The following GRXCR2 variants were observed in gnomAD, a reference collection of about 807,000 sequenced individuals.
GRXCR2 encodes glutaredoxin and cysteine rich domain containing 2.
GRXCR2 carries 23 observed loss-of-function variants against 24.8 expected under a neutral mutation model. The ratio of observed to expected loss-of-function variants is 0.93; its 90% CI spans 0.67 to 1.32. The LOEUF (loss-of-function observed/expected upper bound fraction) is 1.32. Ranked by LOEUF, GRXCR2 falls within the 40% of genes most tolerant of loss-of-function variation. GRXCR2 has a pLI of 0.00. For missense variants in GRXCR2, 315 were observed against 303.4 expected, an observed-to-expected ratio of 1.04 and a Z score of -0.28; for synonymous variants, 130 against 116.1, an observed-to-expected ratio of 1.12 and a Z score of -0.77.
intron 2 of GRXCR2, among the ~76,000 whole-genome samples, chr5:145,926,615 G>A (rs1035830286): frequency 6.6e-6 from 1 of 152,184 alleles, no homozygotes; most frequent in East Asian, 1.9e-4. Context: ...GTACCATGCT[G>A]TTTTGGTTAC....
intron 2 of GRXCR2, among the ~76,000 whole-genome samples, chr5:145,924,849 C>A (rs1757369176): frequency 6.6e-6 from 1 of 152,084 alleles, no homozygotes; most frequent in African/African-American, 2.4e-5. Flanking sequence ...CAGGGTGTAG[C>A]AATGCCCAGA....
chr5:145,906,234 G>A (rs915741205), intron 2 of GRXCR2, among the ~76,000 whole-genome samples: 3 of 151,970 alleles, frequency 2.0e-5, no homozygotes, highest in Non-Finnish European at 4.4e-5. Context: ...CAGATGATTC[G>A]ACTGGCCAAG....
At chr5:145,871,764 A>G (rs967711179) in intron 1 of GRXCR2, among the ~76,000 whole-genome samples, 4 of 152,226 alleles carry the variant, frequency 2.6e-5, no homozygotes, top group African/African-American at 9.6e-5. Context: ...ATAATTCAAG[A>G]GTAATTATCT....
chr5:145,915,617 T>C (rs771241065), intron 2 of GRXCR2, among the ~76,000 whole-genome samples: 8 of 151,824 alleles, frequency 5.3e-5, no homozygotes, highest in Non-Finnish European at 1.2e-4. Context: ...AAACCCCGAC[T>C]CTACTAAAAA....
intron 2 of GRXCR2, among the ~76,000 whole-genome samples, chr5:145,895,852 G>A (rs970626808): frequency 6.6e-6 from 1 of 152,154 alleles, no homozygotes; most frequent in African/African-American, 2.4e-5. Context: ...GAACAAAGCT[G>A]GAGGCATCAC....
At chr5:145,909,216 C>T (rs749351458) in intron 2 of GRXCR2, among the ~76,000 whole-genome samples, 9 of 152,146 alleles carry the variant, frequency 5.9e-5, no homozygotes, top group Non-Finnish European at 1.0e-4. Context: ...GGCTATGAGG[C>T]GCGCAGTCAT....
At chr5:145,878,504 G>A (rs1410704764) in intron 2 of GRXCR2, among the ~76,000 whole-genome samples, 11 of 152,066 alleles carry the variant, frequency 7.2e-5, no homozygotes, top group Admixed American at 6.6e-4. Flanking sequence ...AGAAAAAAGA[G>A]TAGAAAGAAA....
intron 2 of GRXCR2, among the ~76,000 whole-genome samples, chr5:145,895,620 T>C (rs920882475): frequency 6.6e-6 from 1 of 151,952 alleles, no homozygotes; most frequent in Admixed American, 6.6e-5. Context: ...CACTGCTCAA[T>C]GAAATAAAAG....
intron 2 of GRXCR2, among the ~76,000 whole-genome samples, chr5:145,928,981 T>C (rs1295285264): frequency 6.6e-6 from 1 of 151,806 alleles, no homozygotes; most frequent in Non-Finnish European, 1.5e-5. Context: ...TTTTTAAAAA[T>C]AAAAATCAAC....
chr5:145,873,902 C>G (rs1372521465), upstream of GRXCR2, among the ~76,000 whole-genome samples: 1 of 152,224 alleles, frequency 6.6e-6, no homozygotes, highest in African/African-American at 2.4e-5. Flanking sequence ...CAATCCCATA[C>G]AGACCTCACA....
chr5:145,903,718 G>A (rs1185258706), intron 2 of GRXCR2, among the ~76,000 whole-genome samples: 1 of 152,172 alleles, frequency 6.6e-6, no homozygotes, highest in Non-Finnish European at 1.5e-5. Context: ...TGGGAAGGAA[G>A]AGAACGATGG....
intron 2 of GRXCR2, among the ~76,000 whole-genome samples, chr5:145,893,101 C>G (rs1366164287): frequency 6.6e-6 from 1 of 152,276 alleles, no homozygotes; most frequent in Non-Finnish European, 1.5e-5. Context: ...TTGTCACCAC[C>G]AGGCCTGCCT....
chr5:145,915,127 C>T (rs1757218958), intron 2 of GRXCR2, among the ~76,000 whole-genome samples: 1 of 152,148 alleles, frequency 6.6e-6, no homozygotes, highest in Non-Finnish European at 1.5e-5. Flanking sequence ...CCCCACCCAT[C>T]TATGGATGGC....
At chr5:145,912,642 T>C (rs940312929) in intron 2 of GRXCR2, among the ~76,000 whole-genome samples, 5 of 151,854 alleles carry the variant, frequency 3.3e-5, no homozygotes, top group Non-Finnish European at 7.4e-5. Flanking sequence ...AGAGCTACTG[T>C]GGAGTGGGTG....
At chr5:145,902,171 C>T (rs940923110) in intron 2 of GRXCR2, among the ~76,000 whole-genome samples, 1 of 152,102 alleles carries the variant, frequency 6.6e-6, no homozygotes, top group Non-Finnish European at 1.5e-5. Flanking sequence ...TTATAGCTCT[C>T]TGCAGCCTTG....
chr5:145,927,206 TG>T (rs944682961), intron 2 of GRXCR2, among the ~76,000 whole-genome samples: 3 of 152,188 alleles, frequency 2.0e-5, no homozygotes, highest in Non-Finnish European at 4.4e-5. Context: ...TTTTCCTAAT[TG>T]AATACCCTTT....
upstream of GRXCR2, chr5:145,873,123 A>C: frequency 1.6e-6 from 1 of 622,368 alleles, no homozygotes; most frequent in Non-Finnish European, 2.8e-6. Flanking sequence ...ACACCCATAC[A>C]TTAAATATTG....
chr5:145,897,852 C>T (rs183531289), intron 2 of GRXCR2, among the ~76,000 whole-genome samples: 1 of 152,086 alleles, frequency 6.6e-6, no homozygotes, highest in Admixed American at 6.6e-5. Context: ...CACTAAATGC[C>T]TACTCAAAAA....
chr5:145,909,629 G>A (rs1303223898), intron 2 of GRXCR2, among the ~76,000 whole-genome samples: 1 of 152,200 alleles, frequency 6.6e-6, no homozygotes, highest in East Asian at 1.9e-4. Flanking sequence ...CCTCTCGCCA[G>A]AATATAAGCA....
Sources: gnomAD v4.1 joint callset for allele counts (sites outside exome capture counted in the v4.1 genomes callset) on GRCh38, gnomAD v4.1.1 for gene constraint, MANE v1.5 for transcripts, NCBI Gene and HGNC (gene_info 2026-07-23, HGNC 2026-07-21) for gene names.